KIAA0753: variants seen among roughly 807,000 people sequenced by gnomAD.
KIAA0753 encodes the protein protein moonraker.
KIAA0753 carries 114 observed loss-of-function variants against 116.9 expected under a neutral mutation model. The observed-to-expected ratio is 0.98, with a 90% CI of 0.84 to 1.14. KIAA0753 has a LOEUF of 1.14. Among genes scored for constraint, KIAA0753 ranks in the 50% most tolerant of loss-of-function variants. The pLI, the probability that KIAA0753 is intolerant of heterozygous loss-of-function variation, is 0.00. For synonymous variants in KIAA0753, 405 were observed against 413.1 expected (o/e 0.98, Z 0.24); for missense variants, 1,156 against 1,172.4 (o/e 0.99, Z 0.20).
chr17:6,590,476 T>G (rs748505704), intron 17 of KIAA0753, 34 bp downstream of exon 17: 1 of 1,611,814 alleles, frequency 6.2e-7, no homozygotes, highest in African/African-American at 1.3e-5. Context: ...GGTGACTGAC[T>G]AGAATGAAAT....
At position 6,590,557 on chromosome 17, in the gene KIAA0753, G is replaced by A; in HGVS notation, c.2514C>T (p.Arg838=). 1.2e-6 allele frequency: 2 copies of A among 1,613,716 alleles called. No individual in the cohort carries two copies. The highest frequency in any genetic ancestry group is 1.3e-5 in the African/African-American group (1 of 75,010). ...ACATGATGTTCACGGCTGGATCCTT[G>A]CGATCCACTGTCTTCGTGATTCTGA... ...HPIRITKTVD[R]KDPAVNIMLE... The change falls in exon 17 of 19, where the codon CGC becomes CGT. Residue 838 remains arginine (R), a synonymous_variant. Transcript: ENST00000361413.
intron 15 of KIAA0753, 76 bp from the exon 16 acceptor site, chr17:6,595,129 A>G: frequency 9.6e-7 from 1 of 1,046,486 alleles, no homozygotes; most frequent in Non-Finnish European, 1.4e-6. Flanking sequence ...GTAAAGATGT[A>G]AAAGTTCAGC....
chr17:6,620,888 C>T lies in KIAA0753; in HGVS notation c.1215G>A (p.Trp405Ter). ...PIGSQKALER[W>*]PSTSPKGERR... Reference sequence around the variant, plus strand: ...TCTCACCCTTTGGTGATGTACTTGGCCATCTCTCCAAGGCCTTTTGGCTAC... The same window carrying T: ...TCTCACCCTTTGGTGATGTACTTGGTCATCTCTCCAAGGCCTTTTGGCTAC... The change falls in exon 7 of 19, where the codon TGG (tryptophan) becomes TGA (stop). Residue 405 changes from tryptophan (W) to a stop codon, truncating the protein, a stop_gained. Coordinates refer to ENST00000361413, the MANE Select transcript of KIAA0753 (RefSeq NM_014804.3). LOFTEE classifies it high-confidence loss of function. 1 of 1,614,118 alleles carries T rather than the reference C, an allele frequency of 6.2e-7. No individual in the cohort carries two copies. Among genetic ancestry groups the T allele is most frequent in the Non-Finnish European group, 8.5e-7 (1 of 1,179,990 alleles).
chr17:6,602,148 C>T (rs564646031), intron 12 of KIAA0753, among the ~76,000 whole-genome samples: 12 of 152,274 alleles, frequency 7.9e-5, no homozygotes, highest in South Asian at 6.2e-4. Context: ...CCAATAGAAA[C>T]GAACTCACAT....
intron 3 of KIAA0753, among the ~76,000 whole-genome samples, chr17:6,626,154 A>G (rs917343198): frequency 7.9e-5 from 12 of 152,224 alleles, no homozygotes; most frequent in Admixed American, 7.9e-4. Flanking sequence ...TGGTTCAAAG[A>G]AATTGTTTCT....
chr17:6,638,987 T>G (rs901174580), intron 1 of KIAA0753: 1 of 152,824 alleles, frequency 6.5e-6, no homozygotes, highest in African/African-American at 2.4e-5. Flanking sequence ...CCAGAGCCTG[T>G]CTCCACCCAC....
chr17:6,625,537 T>C (rs1971609893), intron 3 of KIAA0753, among the ~76,000 whole-genome samples: 1 of 150,818 alleles, frequency 6.6e-6, no homozygotes, highest in Non-Finnish European at 1.5e-5. Context: ...CGTGGTGGTG[T>C]GCACCTGTAA....
At chr17:6,633,101 G>A (rs576778971) in intron 2 of KIAA0753, among the ~76,000 whole-genome samples, 2 of 152,042 alleles carry the variant, frequency 1.3e-5, no homozygotes, top group Admixed American at 1.3e-4. Flanking sequence ...TTATTTTCAG[G>A]AAAAAAATAC....
rs150852953 is a variant in KIAA0753 at position 6,604,219 on chromosome 17, C to T, written c.2009+2654G>A. ...TTTATAGAAACTGTATTCATAATAG[C>T]CCCAAACTGGAAAAGAACTCAGATG... On this transcript the variant is annotated intron_variant, in intron 12 of 18. Coordinates refer to ENST00000361413, the MANE Select transcript of KIAA0753 (RefSeq NM_014804.3). Among the ~76,000 whole-genome samples, 498 of 151,022 alleles carry T rather than the reference C, an allele frequency of 3.3e-3. 1 individual carries two copies. The highest frequency in any genetic ancestry group is 0.011 in the African/African-American group (463 of 41,004).
At position 6,606,946 on chromosome 17, in the gene KIAA0753, C is replaced by T; in HGVS notation, c.1936G>A (p.Ala646Thr). Residue 646 changes from alanine to threonine, a missense_variant, in exon 12 of 19, where the codon GCT becomes ACT. Ala to Thr is a moderately conservative substitution (Grantham distance 58). Transcript: ENST00000361413. ...MQKQRLDWLD[A>T]ETSRRTKELN... ...TCCTTTGTTCTTCTAGAAGTTTCAG[C>T]ATCAAGCCAATCAAGCCTAGAGAAC... The T allele has an allele frequency of 6.2e-7, 1 of 1,614,074 alleles. No individual in the cohort carries two copies. The highest frequency in any genetic ancestry group is 8.5e-7 in the Non-Finnish European group (1 of 1,179,946).
chr17:6,612,662 G>A (rs1970631681), intron 7 of KIAA0753, among the ~76,000 whole-genome samples: 1 of 152,246 alleles, frequency 6.6e-6, no homozygotes. Flanking sequence ...GAGGTCAGGA[G>A]TTCGAGGCCA....
At chr17:6,640,101 C>A in intron 1 of KIAA0753, 1 of 152,864 alleles carries the variant, frequency 6.5e-6, no homozygotes. Flanking sequence ...GGCCCTGTGG[C>A]CTTTCTGCAC....
At chr17:6,626,934 T>A (rs1971705529) in intron 3 of KIAA0753, among the ~76,000 whole-genome samples, 1 of 152,068 alleles carries the variant, frequency 6.6e-6, no homozygotes, top group Admixed American at 6.6e-5. Context: ...GGGCTTCCAA[T>A]CAAAGTAGGT....
chr17:6,611,122 G>A (rs769948221), intron 8 of KIAA0753, among the ~76,000 whole-genome samples: 3 of 152,144 alleles, frequency 2.0e-5, no homozygotes, highest in Non-Finnish European at 4.4e-5. Context: ...TGGTCTTTTG[G>A]CCAGTTTTCC....
In KIAA0753 at chr17:6,611,886, C is replaced by T. The variant is rs769754658; in HGVS notation, c.1545+33G>A. 3.5e-5 allele frequency: 56 copies of T among 1,585,224 alleles called. No individual in the cohort carries two copies. In the South Asian group the frequency reaches 6.1e-4, roughly 17 times the overall value. ...TGACCTTGACAATGTCAGATTAACA[C>T]AAATGGGCCAAAAGAGAGGAATGAT... On this transcript the variant is annotated intron_variant, in intron 8 of 18. Coordinates refer to ENST00000361413, the MANE Select transcript of KIAA0753 (RefSeq NM_014804.3).
intron 13 of KIAA0753, 22 bp downstream of exon 13, chr17:6,600,358 T>C (rs1359441565): frequency 1.5e-5 from 24 of 1,597,474 alleles, no homozygotes; most frequent in Non-Finnish European, 2.1e-5. Context: ...AGCAAGCAAA[T>C]GAAACGAACT....
At chr17:6,586,943 T>C (rs116859888) in intron 18 of KIAA0753, among the ~76,000 whole-genome samples, 15 of 152,246 alleles carry the variant, frequency 9.9e-5, no homozygotes, top group Middle Eastern at 3.4e-3. Flanking sequence ...ATTCAAATCA[T>C]AAACTAAAAA....
intron 7 of KIAA0753, among the ~76,000 whole-genome samples, chr17:6,619,594 T>G (rs1174461207): frequency 6.6e-6 from 1 of 152,166 alleles, no homozygotes; most frequent in African/African-American, 2.4e-5. Context: ...TCCCGGCTAC[T>G]TTTTGCATTT....
At chr17:6,599,630 ATTTC>A (rs1458549698) in intron 13 of KIAA0753, among the ~76,000 whole-genome samples, 1 of 150,860 alleles carries the variant, frequency 6.6e-6, no homozygotes, top group Non-Finnish European at 1.5e-5. Flanking sequence ...GAACTACTTG[ATTTC>A]TTTTTTTTTT....
Sources: gnomAD v4.1 joint callset for allele counts (sites outside exome capture counted in the v4.1 genomes callset) on GRCh38, gnomAD v4.1.1 for gene constraint, MANE v1.5 for transcripts, NCBI Gene and HGNC (gene_info 2026-07-23, HGNC 2026-07-21) for gene names.